The following DERL1 variants were observed in gnomAD, a reference collection of about 807,000 sequenced individuals.
DERL1 encodes the protein derlin 1.
A neutral mutation model predicts 41.6 loss-of-function variants in DERL1; 24 were observed. The observed-to-expected ratio is 0.58, with a 90% CI of 0.42 to 0.81. DERL1 has a LOEUF of 0.81. DERL1 is among the 30% of genes least tolerant of loss of function. The probability of loss-of-function intolerance (pLI) is 0.00; values close to 1 mark genes in which losing one functional copy is unlikely to be tolerated. For missense variants in DERL1, 260 were observed against 314.3 expected (o/e 0.83, Z 1.31); for synonymous variants, 124 against 112.5 (o/e 1.10, Z -0.65).
chr8:123,015,247 A>G lies in DERL1; in HGVS notation c.*200T>C. 1.4e-6 allele frequency: 1 copy of G among 692,092 alleles called. No individual in the cohort carries two copies. Among genetic ancestry groups the G allele is most frequent in the Admixed American group, 3.5e-5 (1 of 28,680 alleles). 42.9% of individuals were successfully genotyped at this position (692,092 alleles called of 1,614,324 possible). A position where few individuals can be genotyped will look rare whatever the true frequency, so the allele number is the denominator to read the frequency against. ...ACAGTTGGTATTTGTTCTTCACAGC[A>G]GTAAGGACTTGAATGAGAATCGTGA... On this transcript the variant is annotated 3_prime_UTR_variant, in exon 8 of 8. Transcript: ENST00000259512.
At chr8:123,027,907 C>T (rs1026367028) in intron 2 of DERL1, among the ~76,000 whole-genome samples, 1 of 151,960 alleles carries the variant, frequency 6.6e-6, no homozygotes, top group Non-Finnish European at 1.5e-5. Flanking sequence ...ACCAAAAACA[C>T]AAAAATTAGC....
intron 1 of DERL1, among the ~76,000 whole-genome samples, chr8:123,034,451 T>C (rs772274458): frequency 2.6e-4 from 39 of 152,214 alleles, no homozygotes; most frequent in Non-Finnish European, 5.1e-4. Context: ...TCAATTTCCA[T>C]AGTTAATTTT....
chr8:123,020,476 T>C (rs1290046348), intron 6 of DERL1, among the ~76,000 whole-genome samples: 1 of 151,340 alleles, frequency 6.6e-6, no homozygotes, highest in Non-Finnish European at 1.5e-5. Context: ...CCAGACCCCA[T>C]CTTGAAAAAA....
chr8:123,014,825 G>T lies in DERL1; in HGVS notation c.*622C>A, dbSNP rs939151270. 6.6e-6 allele frequency: 1 copy of T among 152,166 alleles called. No homozygotes were observed. Among genetic ancestry groups the T allele is most frequent in the Non-Finnish European group, 1.5e-5 (1 of 68,040 alleles). 9.4% of individuals were successfully genotyped at this position (152,166 alleles called of 1,614,324 possible). On this transcript the variant is annotated 3_prime_UTR_variant, in exon 8 of 8. Transcript: ENST00000259512. ...AAAAATATCTGAAGAAGTGGCAAACGGTTACAACGGATGTCAGGTCGAAGC... is the reference window on the plus strand; with the variant it reads ...AAAAATATCTGAAGAAGTGGCAAACTGTTACAACGGATGTCAGGTCGAAGC...
intron 6 of DERL1, among the ~76,000 whole-genome samples, chr8:123,019,625 G>C (rs1814703802): frequency 1.3e-5 from 2 of 152,202 alleles, no homozygotes; most frequent in Non-Finnish European, 2.9e-5. Context: ...TGCAAAGCAT[G>C]CTTCTGAATG....
chr8:123,041,863 A>G, intron 1 of DERL1, 107 bp downstream of exon 1: 2 of 1,418,254 alleles, frequency 1.4e-6, no homozygotes, highest in Non-Finnish European at 1.9e-6. Flanking sequence ...CGGACCCACT[A>G]CAAATCCCAG....
intron 5 of DERL1, 37 bp downstream of exon 5, chr8:123,022,647 A>T (rs1191552667): frequency 1.9e-6 from 3 of 1,589,752 alleles, no homozygotes; most frequent in Non-Finnish European, 2.6e-6. Flanking sequence ...TTCTGCAGAC[A>T]AATGAAAAGG....
chr8:123,020,146 A>C (rs1814721749), intron 6 of DERL1, among the ~76,000 whole-genome samples: 1 of 152,232 alleles, frequency 6.6e-6, no homozygotes, highest in South Asian at 2.1e-4. Context: ...CAGCAATATA[A>C]AAATGGATTG....
Position 123,027,028 on chromosome 8 carries a change from G to A in DERL1, c.266-1978C>T, listed in dbSNP as rs1394304013. On this transcript the variant is annotated intron_variant, in intron 2 of 7. Coordinates refer to ENST00000259512, the MANE Select transcript of DERL1 (RefSeq NM_024295.6). ...TCAGTGGTTTTGGTCAGGTACAGTG[G>A]CTCACGCCTGTAGTACCAGCACTTT... 3.3e-5 allele frequency among the ~76,000 whole-genome samples: 5 copies of A among 152,242 alleles called. No homozygotes were observed. The East Asian group carries it at 9.7e-4, about 29-fold the overall frequency.
rs1813087304 is a variant in DERL1, at chr8:123,041,971, T to C, written c.152A>G (p.Gln51Arg). ...ACGCCCCCCGTCTCCGGTAAGTACCTGAAAGCGATAAAGGAAGGCTTCGGG... is the reference window on the plus strand; with the variant it reads ...ACGCCCCCCGTCTCCGGTAAGTACCCGAAAGCGATAAAGGAAGGCTTCGGG... ...LWPEAFLYRF[Q>R]IWRPITATFY... Residue 51 changes from glutamine to arginine, a missense_variant and splice_region_variant, in exon 1 of 8, where the codon CAG (glutamine) becomes CGG (arginine). Gln to Arg is a conservative substitution (Grantham distance 43, BLOSUM62 1). Coordinates refer to ENST00000259512, the MANE Select transcript of DERL1 (RefSeq NM_024295.6). 1 of 1,608,902 alleles carries C rather than the reference T, an allele frequency of 6.2e-7. No individual in the cohort carries two copies. The highest frequency in any genetic ancestry group is 1.3e-5 in the African/African-American group (1 of 74,826).
intron 2 of DERL1, among the ~76,000 whole-genome samples, chr8:123,027,344 G>A (rs1812723886): frequency 6.6e-6 from 1 of 151,776 alleles, no homozygotes; most frequent in African/African-American, 2.4e-5. Context: ...AAGGGTGTGG[G>A]GGAGGAAGGG....
intron 1 of DERL1, among the ~76,000 whole-genome samples, chr8:123,035,363 T>A (rs1445964489): frequency 6.6e-6 from 1 of 152,230 alleles, no homozygotes; most frequent in African/African-American, 2.4e-5. Context: ...TGTAACATAT[T>A]TCGGAAATCC....
In DERL1 at chr8:123,025,047, G is replaced by C. The variant is rs751513605; in HGVS notation, c.269C>G (p.Ala90Gly). The change falls in exon 3 of 8, where the codon GCT (alanine) becomes GGT (glycine). Residue 90 changes from alanine (A) to glycine (G), a missense_variant. Ala to Gly is a moderately conservative substitution (Grantham distance 60, BLOSUM62 0). Coordinates refer to ENST00000259512, the MANE Select transcript of DERL1 (RefSeq NM_024295.6). Reference sequence around the variant, plus strand: ...ATAGTCTGCTGGCCTCCCATCAAAAGCTCCTGGAAACAAAAACAAGCCAAA... The same window carrying C: ...ATAGTCTGCTGGCCTCCCATCAAAACCTCCTGGAAACAAAAACAAGCCAAA... ...YQYSTRLETG[A>G]FDGRPADYLF... is the part of the protein sequence containing the mutation. 5 of 1,613,298 alleles carry C rather than the reference G, an allele frequency of 3.1e-6. No individual in the cohort carries two copies. Among genetic ancestry groups the C allele is most frequent in the Non-Finnish European group, 4.2e-6 (5 of 1,179,726 alleles).
intron 7 of DERL1, chr8:123,018,885 C>CA (rs1814678655): frequency 2.9e-6 from 1 of 350,488 alleles, no homozygotes; most frequent in Admixed American, 4.8e-5. Context: ...GCCCATTCAC[C>CA]AGCCTACTGT....
chr8:123,022,659 C>T (rs1812591047), intron 5 of DERL1, 25 bp downstream of exon 5: 1 of 1,601,844 alleles, frequency 6.2e-7, no homozygotes, highest in Non-Finnish European at 8.6e-7. Flanking sequence ...ATGAAAAGGA[C>T]ACTTTTCCAA....
intron 4 of DERL1, 116 bp from the exon 5 acceptor site, chr8:123,022,895 A>C: frequency 1.4e-6 from 1 of 691,582 alleles, no homozygotes; most frequent in Non-Finnish European, 2.6e-6. Flanking sequence ...GTAAAGGGAA[A>C]CTCAACTGAT....
chr8:123,025,663 C>A (rs961094690), intron 2 of DERL1: 1 of 152,368 alleles, frequency 6.6e-6, no homozygotes, highest in Admixed American at 6.5e-5. Flanking sequence ...CTTCCAGAGA[C>A]GTACATTCTA....
intron 2 of DERL1, among the ~76,000 whole-genome samples, chr8:123,027,293 CAA>C (rs1491294516): frequency 3.7e-5 from 1 of 27,210 alleles, no homozygotes. Context: ...GACCCTGTCT[CAA>C]AAAAAAAAAA....
chr8:123,022,644 G>C (rs768541523), intron 5 of DERL1, 40 bp downstream of exon 5: 2 of 1,583,718 alleles, frequency 1.3e-6, no homozygotes. Context: ...GATTTCTGCA[G>C]ACAAATGAAA....
Sources: allele counts gnomAD v4.1 joint callset (sites outside exome capture counted in the v4.1 genomes callset), GRCh38; gene constraint gnomAD v4.1.1; transcripts MANE v1.5; gene names NCBI Gene and HGNC (gene_info 2026-07-23, HGNC 2026-07-21).